The following EIF3J variants were observed in gnomAD, a reference collection of about 807,000 sequenced individuals.
EIF3J encodes the protein eukaryotic translation initiation factor 3 subunit J, also known as eukaryotic translation initiation factor 3, subunit 1 (alpha, 35kD).
Under a neutral mutation model 39.0 loss-of-function variants are expected in EIF3J, and 15 were observed. The observed-to-expected ratio is 0.38, with a 90% CI of 0.26 to 0.59. The LOEUF is 0.59. Ranked by LOEUF, EIF3J falls within the 20% of genes least tolerant of loss-of-function variation. EIF3J has a pLI of 0.60. For synonymous variants in EIF3J, 98 were observed against 112.9 expected, an observed-to-expected ratio of 0.87 and a Z score of 0.84; for missense variants, 226 against 308.6, an observed-to-expected ratio of 0.73 and a Z score of 2.00.
At chr15:44,537,554 G>A (rs149335986) in intron 2 of EIF3J, 127 bp downstream of exon 2, 3 of 984,330 alleles carry the variant, frequency 3.0e-6, no homozygotes, top group Admixed American at 3.9e-5. Flanking sequence ...GGGCCTGGCG[G>A]TGCTCTCTTC....
In EIF3J at chr15:44,551,527, A is replaced by G. The variant is rs776214109; in HGVS notation, c.294+5A>G. 7 of 1,574,952 alleles carry G rather than the reference A, an allele frequency of 4.4e-6. No individual in the cohort carries two copies. The South Asian group carries it at 8.2e-5, about 18-fold the overall frequency. The stretch of plus-strand genomic sequence containing the variant: ...CAAGAAGAAATTAAAAAGAGGGTAA[A>G]TTCTGTTTTCTAAAATACAGAATTC... On this transcript the variant is annotated splice_donor_5th_base_variant and intron_variant, in intron 4 of 7. Coordinates refer to ENST00000261868, the MANE Select transcript of EIF3J (RefSeq NM_003758.4).
chr15:44,547,228 C>CT (rs931775001), intron 2 of EIF3J, among the ~76,000 whole-genome samples: 1 of 152,254 alleles, frequency 6.6e-6, no homozygotes, highest in African/African-American at 2.4e-5. Flanking sequence ...ACCACAGCCT[C>CT]TGTCTCCTGG....
intron 2 of EIF3J, among the ~76,000 whole-genome samples, chr15:44,550,113 A>G (rs781583246): frequency 6.6e-5 from 10 of 152,198 alleles, no homozygotes; most frequent in Non-Finnish European, 1.3e-4. Flanking sequence ...TGGCCCAATT[A>G]GGTAAATCAC....
intron 2 of EIF3J, among the ~76,000 whole-genome samples, chr15:44,539,601 C>T (rs772991205): frequency 4.7e-4 from 71 of 151,692 alleles, no homozygotes; most frequent in Non-Finnish European, 6.9e-4. Context: ...GGGGTTTCAC[C>T]GTGTTAGCCA....
chr15:44,540,967 T>C (rs1235606855), intron 2 of EIF3J, among the ~76,000 whole-genome samples: 1 of 152,238 alleles, frequency 6.6e-6, no homozygotes, highest in East Asian at 1.9e-4. Context: ...ACTTAGTATT[T>C]TGCTGTCCTT....
chr15:44,546,510 G>A (rs999536799), intron 2 of EIF3J, among the ~76,000 whole-genome samples: 15 of 152,096 alleles, frequency 9.9e-5, no homozygotes, highest in Non-Finnish European at 1.5e-4. Flanking sequence ...CAGAAGCTTG[G>A]TGTCATATTG....
rs1221937609 is a variant in EIF3J at position 44,561,992 on chromosome 15, T to TAACTA, written c.*844_*848dup. ...AACATGCTCAGCAAACTGCACCAGT[T>TAACTA]AACTACAGTTTGGTAAATTGTTATG... On this transcript the variant is annotated 3_prime_UTR_variant, in exon 8 of 8. Transcript: ENST00000261868. The TAACTA allele has an allele frequency of 4.6e-5, 7 of 152,784 alleles. No individual in the cohort carries two copies. In the East Asian group the frequency reaches 9.6e-4, roughly 21 times the overall value. The allele number at this position is 152,784 out of a possible 1,614,324, so 9.5% of individuals were successfully genotyped here.
At chr15:44,560,227 G>A (rs776444438) in intron 6 of EIF3J, 22 bp from the exon 7 acceptor site, 4 of 1,590,652 alleles carry the variant, frequency 2.5e-6, no homozygotes, top group Non-Finnish European at 3.4e-6. Flanking sequence ...CAAGTTTAAT[G>A]GTATGCCCTT....
chr15:44,541,351 A>T lies in EIF3J; in HGVS notation c.147+3924A>T, dbSNP rs1207725402. ...GAAGCTAGATTTATTCAAAGGGTAC[A>T]GAGTTTGCAGAAACTTATAGCTGTG... On this transcript the variant is annotated intron_variant, in intron 2 of 7. Transcript: ENST00000261868. 2.6e-5 allele frequency among the ~76,000 whole-genome samples: 4 copies of T among 152,236 alleles called. No homozygotes were observed. The East Asian group carries it at 7.7e-4, about 29-fold the overall frequency.
At chr15:44,538,396 G>A (rs2081979344) in intron 2 of EIF3J, among the ~76,000 whole-genome samples, 1 of 151,282 alleles carries the variant, frequency 6.6e-6, no homozygotes, top group Admixed American at 6.6e-5. Context: ...ATAAAGTTTT[G>A]TGTGAAATGG....
At chr15:44,539,070 A>G (rs1275822115) in intron 2 of EIF3J, among the ~76,000 whole-genome samples, 1 of 142,400 alleles carries the variant, frequency 7.0e-6, no homozygotes, top group East Asian at 2.0e-4. Flanking sequence ...CTTGTTGCCC[A>G]GGCTGGAGTG....
chr15:44,537,500 GTCGCTGC>G, intron 2 of EIF3J, 73 bp downstream of exon 2: 1 of 1,399,032 alleles, frequency 7.1e-7, no homozygotes, highest in Non-Finnish European at 9.3e-7. Context: ...TGGGCCCCGG[GTCGCTGC>G]CGGGGCCTGC....
chr15:44,541,223 A>G (rs1314133035), intron 2 of EIF3J, among the ~76,000 whole-genome samples: 1 of 152,208 alleles, frequency 6.6e-6, no homozygotes, highest in Non-Finnish European at 1.5e-5. Context: ...TATGATATGT[A>G]GGATGTGTTG....
At chr15:44,554,468 G>A (rs1258908325) in intron 4 of EIF3J, 85 bp from the exon 5 acceptor site, 9 of 581,542 alleles carry the variant, frequency 1.5e-5, no homozygotes, top group Admixed American at 1.0e-4. Context: ...TATTATATAC[G>A]CTTATTTAAG....
At chr15:44,555,106 T>C (rs2082133636) in intron 5 of EIF3J, among the ~76,000 whole-genome samples, 2 of 152,336 alleles carry the variant, frequency 1.3e-5, no homozygotes, top group South Asian at 2.1e-4. Flanking sequence ...CATTTCCTTC[T>C]GCAACCCTTC....
chr15:44,542,785 C>G (rs1279459560), intron 2 of EIF3J, among the ~76,000 whole-genome samples: 3 of 152,040 alleles, frequency 2.0e-5, no homozygotes, highest in African/African-American at 7.2e-5. Context: ...ATAAACAGGC[C>G]CTATTCTAAG....
chr15:44,558,379 G>A lies in EIF3J; in HGVS notation c.571+729G>A, dbSNP rs143833870. 3.6e-3 allele frequency among the ~76,000 whole-genome samples: 541 copies of A among 152,002 alleles called. 4 individuals are homozygous for A. Among genetic ancestry groups the A allele is most frequent in the African/African-American group, 0.012 (481 of 41,466 alleles). On this transcript the variant is annotated intron_variant, in intron 6 of 7. Transcript: ENST00000261868. ...AGCACTTTGGGAGGCCAAAACAGGC[G>A]GATCACGAGGTCAGGAGATTGTAGA...
intron 5 of EIF3J, among the ~76,000 whole-genome samples, chr15:44,555,755 G>T (rs1195817385): frequency 6.6e-6 from 1 of 152,142 alleles, no homozygotes; most frequent in African/African-American, 2.4e-5. Context: ...GGATTTTACT[G>T]TTGTGTTTCT....
chr15:44,548,470 A>G (rs1364562348), intron 2 of EIF3J, among the ~76,000 whole-genome samples: 1 of 152,206 alleles, frequency 6.6e-6, no homozygotes, highest in Non-Finnish European at 1.5e-5. Context: ...GAGACAGTAG[A>G]CTAGTGGGAT....
Sources: gnomAD v4.1 joint callset for allele counts (sites outside exome capture counted in the v4.1 genomes callset) on GRCh38, gnomAD v4.1.1 for gene constraint, MANE v1.5 for transcripts, NCBI Gene and HGNC (gene_info 2026-07-23, HGNC 2026-07-21) for gene names.